MEF2A: variants seen among roughly 807,000 people sequenced by gnomAD.
The protein encoded by MEF2A is myocyte-specific enhancer factor 2A.
MEF2A carries 28 observed loss-of-function variants against 55.8 expected under a neutral mutation model. That is an observed-to-expected ratio of 0.50 (90% CI 0.37 to 0.69). The LOEUF is 0.69. Ranked by LOEUF, MEF2A falls within the 30% of genes least tolerant of loss-of-function variation. MEF2A has a pLI of 0.00. For missense variants in MEF2A, 528 were observed against 626.2 expected, an observed-to-expected ratio of 0.84 and a Z score of 1.67; for synonymous variants, 239 against 227.1, an observed-to-expected ratio of 1.05 and a Z score of -0.47.
At chr15:99,672,143 A>G (rs540340604) in intron 5 of MEF2A, among the ~76,000 whole-genome samples, 15 of 152,344 alleles carry the variant, frequency 9.8e-5, no homozygotes, top group Admixed American at 9.1e-4. Context: ...ATTATCTTCA[A>G]TTATTTTGTA....
Position 99,713,062 on chromosome 15 carries a change from G to T in MEF2A, c.*291G>T, listed in dbSNP as rs1448438960. 3 of 470,252 alleles carry T rather than the reference G, an allele frequency of 6.4e-6. No homozygotes were observed. Among genetic ancestry groups the T allele is most frequent in the South Asian group, 5.5e-5 (1 of 18,322 alleles). The allele number at this position is 470,252 out of a possible 1,614,324, so 29.1% of individuals were successfully genotyped here. ...GGCACTTCCTTGGACTACTTGTTTC[G>T]TAAAGATAACCAGTTTTTGCAGAGA... On this transcript the variant is annotated 3_prime_UTR_variant, in exon 12 of 12. Coordinates refer to ENST00000557942, the MANE Select transcript of MEF2A (RefSeq NM_001319206.4).
chr15:99,582,967 T>C (rs1179982271), intron 1 of MEF2A, among the ~76,000 whole-genome samples: 1 of 152,144 alleles, frequency 6.6e-6, no homozygotes, highest in East Asian at 1.9e-4. Flanking sequence ...GAAGAAGGGA[T>C]ATCATAGTGT....
intron 4 of MEF2A, among the ~76,000 whole-genome samples, chr15:99,655,897 T>C (rs984888381): frequency 1.3e-5 from 2 of 152,276 alleles, no homozygotes; most frequent in East Asian, 3.9e-4. Context: ...TGGCTCTCTC[T>C]TTCATTTAAC....
chr15:99,712,881 A>C lies in MEF2A; in HGVS notation c.*110A>C. On this transcript the variant is annotated 3_prime_UTR_variant, in exon 12 of 12. Coordinates refer to ENST00000557942, the MANE Select transcript of MEF2A (RefSeq NM_001319206.4). The surrounding 1 kb of genome is among the most constrained non-coding windows in gnomAD (Gnocchi z 4.1). ...AATATATTTATATGTACATACATAT[A>C]TATATCCCTTTACATATATATGTAT... The C allele has an allele frequency of 8.5e-7, 1 of 1,174,232 alleles. No homozygotes were observed. The highest frequency in any genetic ancestry group is 1.2e-6 in the Non-Finnish European group (1 of 841,930). 72.7% of individuals were successfully genotyped at this position (1,174,232 alleles called of 1,614,324 possible). A position where few individuals can be genotyped will look rare whatever the true frequency, so the allele number is the denominator to read the frequency against.
chr15:99,631,239 C>T (rs183328589), intron 2 of MEF2A, among the ~76,000 whole-genome samples: 14 of 152,246 alleles, frequency 9.2e-5, no homozygotes, highest in African/African-American at 2.4e-4. Context: ...CATGCCTTAG[C>T]GATACTGTCT....
intron 9 of MEF2A, among the ~76,000 whole-genome samples, chr15:99,705,655 G>GT (rs2057952028): frequency 6.6e-6 from 1 of 152,180 alleles, no homozygotes; most frequent in Admixed American, 6.5e-5. Context: ...TCGAATGTTT[G>GT]TAAGTGTCTA....
At chr15:99,694,997 G>T (rs1371609013) in intron 8 of MEF2A, among the ~76,000 whole-genome samples, 3 of 150,278 alleles carry the variant, frequency 2.0e-5, no homozygotes, top group South Asian at 4.2e-4. Context: ...TTTTTTTTCA[G>T]GGGGAGCAGG....
intron 2 of MEF2A, among the ~76,000 whole-genome samples, chr15:99,621,967 T>A (rs1248066808): frequency 2.6e-5 from 4 of 152,096 alleles, no homozygotes; most frequent in Non-Finnish European, 5.9e-5. Flanking sequence ...AAGTAAAGTT[T>A]ACCCCCTGTT....
chr15:99,598,813 T>C (rs941161404), intron 2 of MEF2A, among the ~76,000 whole-genome samples: 1 of 152,040 alleles, frequency 6.6e-6, no homozygotes, highest in Non-Finnish European at 1.5e-5. Context: ...AGAAAAAAAA[T>C]TAAGTAGGTA....
intron 8 of MEF2A, among the ~76,000 whole-genome samples, chr15:99,702,297 C>G (rs1200443804): frequency 6.6e-6 from 1 of 152,164 alleles, no homozygotes; most frequent in Admixed American, 6.5e-5. Context: ...ATCAGTGGCA[C>G]TTACAATGAC....
chr15:99,631,399 C>T (rs1057180974), intron 2 of MEF2A, among the ~76,000 whole-genome samples: 4 of 152,130 alleles, frequency 2.6e-5, no homozygotes, highest in African/African-American at 7.2e-5. Flanking sequence ...CTTTCAGTTC[C>T]TCTAATGTTT....
At chr15:99,595,141 T>C (rs906735184) in intron 1 of MEF2A, among the ~76,000 whole-genome samples, 1 of 152,184 alleles carries the variant, frequency 6.6e-6, no homozygotes, top group South Asian at 2.1e-4. Context: ...AAGTTGCTTC[T>C]TTAGTATTTG....
intron 2 of MEF2A, among the ~76,000 whole-genome samples, chr15:99,618,069 A>G (rs2040502941): frequency 6.6e-6 from 1 of 152,180 alleles, no homozygotes; most frequent in Non-Finnish European, 1.5e-5. Context: ...CAGTAAATCC[A>G]TTGCACTTAC....
chr15:99,634,518 G>T (rs1286323109), intron 3 of MEF2A, among the ~76,000 whole-genome samples: 1 of 152,102 alleles, frequency 6.6e-6, no homozygotes, highest in Non-Finnish European at 1.5e-5. Flanking sequence ...ATAAAATAGG[G>T]TTTATTGGGG....
At chr15:99,658,489 CAG>C (rs577322989) in intron 4 of MEF2A, among the ~76,000 whole-genome samples, 60 of 151,894 alleles carry the variant, frequency 4.0e-4, no homozygotes, top group African/African-American at 1.4e-3. Context: ...AAGACGGAAA[CAG>C]AGAATCGGGT....
chr15:99,659,347 G>A (rs2048261375), intron 4 of MEF2A, among the ~76,000 whole-genome samples: 1 of 152,058 alleles, frequency 6.6e-6, no homozygotes, highest in Non-Finnish European at 1.5e-5. Flanking sequence ...CTTGGAACTG[G>A]GTAAGATCTT....
chr15:99,692,530 G>A lies in MEF2A; in HGVS notation c.858+2102G>A, dbSNP rs1403131228. Among the ~76,000 whole-genome samples, 6 of 152,190 alleles carry A rather than the reference G, an allele frequency of 3.9e-5. No homozygotes were observed. In the East Asian group the frequency reaches 1.2e-3, roughly 29 times the overall value. ...TTTGAGCATTAGACAAGACACAGAT[G>A]GTAAGAGTTAAGCTAGGGTGATTGG... On this transcript the variant is annotated intron_variant, in intron 8 of 11. Transcript: ENST00000557942.
intron 3 of MEF2A, among the ~76,000 whole-genome samples, chr15:99,644,946 C>T (rs1286027433): frequency 6.6e-6 from 1 of 152,070 alleles, no homozygotes; most frequent in Non-Finnish European, 1.5e-5. Flanking sequence ...CATAAAAAGA[C>T]ATCTCTTTTA....
At chr15:99,656,341 G>T (rs1169248477) in intron 4 of MEF2A, among the ~76,000 whole-genome samples, 1 of 152,238 alleles carries the variant, frequency 6.6e-6, no homozygotes, top group East Asian at 1.9e-4. Context: ...GGCCTCTGCT[G>T]TATTGCAGTG....
Sources: allele counts gnomAD v4.1 joint callset (sites outside exome capture counted in the v4.1 genomes callset), GRCh38; gene constraint gnomAD v4.1.1; non-coding constraint Gnocchi (gnomAD v3.1); transcripts MANE v1.5; gene names NCBI Gene and HGNC (gene_info 2026-07-23, HGNC 2026-07-21).